Variants in ADPRHL1 observed in about 807,000 individuals in gnomAD.
ADPRHL1 encodes the protein inactive ADP-ribosyltransferase ARH2.
ADPRHL1 carries 43 observed loss-of-function variants against 44.1 expected under a neutral mutation model. The ratio of observed to expected loss-of-function variants is 0.98; its 90% CI spans 0.76 to 1.26. ADPRHL1 has a LOEUF of 1.26. ADPRHL1 is among the 50% of genes most tolerant of loss of function. The pLI is 0.00. For synonymous variants in ADPRHL1, 878 were observed against 1,017.4 expected (o/e 0.86, Z 2.61); for missense variants, 2,022 against 2,496.9 (o/e 0.81, Z 4.05).
At chr13:113,440,157 G>A (rs544937970) in intron 2 of ADPRHL1, among the ~76,000 whole-genome samples, 31 of 152,214 alleles carry the variant, frequency 2.0e-4, no homozygotes, top group South Asian at 1.2e-3. Flanking sequence ...GTTTTAAAAC[G>A]TGAAAATGAA....
Position 113,400,366 on chromosome 13 carries a change from G to C in ADPRHL1, c.*3012C>G, listed in dbSNP as rs2043750643. 2.0e-5 allele frequency: 3 copies of C among 151,106 alleles called. No homozygotes were observed. The highest frequency in any genetic ancestry group is 2.1e-4 in the South Asian group (1 of 4,798). 9.4% of individuals were successfully genotyped at this position (151,106 alleles called of 1,614,324 possible). A position where few individuals can be genotyped will look rare whatever the true frequency, so the allele number is the denominator to read the frequency against. ...TCACTGTGTTAGCCAGGATGGTCTT[G>C]ATCTCCTGACCTCGTGATCTGTCTG... On this transcript the variant is annotated 3_prime_UTR_variant, in exon 8 of 8. Transcript: ENST00000612156.
intron 1 of ADPRHL1, among the ~76,000 whole-genome samples, chr13:113,446,575 GCA>G (rs550803920): frequency 8.7e-4 from 133 of 152,038 alleles, no homozygotes; most frequent in Admixed American, 7.7e-3. Flanking sequence ...TTGTCTACAT[GCA>G]CAGTGTTGTC....
chr13:113,405,697 G>A lies in ADPRHL1; in HGVS notation c.3585C>T (p.Gly1195=), dbSNP rs1164392931. 1.9e-5 allele frequency: 23 copies of A among 1,231,838 alleles called. No homozygotes were observed. The highest frequency in any genetic ancestry group is 1.6e-5 in the African/African-American group (1 of 64,434). The allele number at this position is 1,231,838 out of a possible 1,614,324, so 76.3% of individuals were successfully genotyped here. A position where few individuals can be genotyped will look rare whatever the true frequency, so the allele number is the denominator to read the frequency against. The change falls in exon 8 of 8, where the codon GGC becomes GGT. Residue 1195 remains glycine (G), a synonymous_variant. Transcript: ENST00000612156. ...CCTCTGGGTGCTGGACGAGGGCCAC[G>A]CCTCTCAGGAGGCTCCTCCCTGCTG... ...SGAAGRSLLR[G]VALVQHPEDI... is the part of the protein sequence containing the mutation.
Position 113,422,881 on chromosome 13 carries a change from T to C in ADPRHL1, c.1006A>G (p.Lys336Glu), listed in dbSNP as rs2043936364. The change falls in exon 7 of 8, where the codon AAG becomes GAG. Residue 336 changes from lysine (K) to glutamate (E), a missense_variant. Lys to Glu is a moderately conservative substitution (Grantham distance 56). Coordinates refer to ENST00000612156, the MANE Select transcript of ADPRHL1 (RefSeq NM_001394807.1). ...PKGLYQDLED[K>E]EKLEDLGAAL... The stretch of plus-strand genomic sequence containing the variant: ...GCGCCCAGGTCCTCCAGCTTCTCCT[T>C]GTCCTCCAGGTCCTGGTACAAGCCT... 2 of 1,612,800 alleles carry C rather than the reference T, an allele frequency of 1.2e-6. No homozygotes were observed. The highest frequency in any genetic ancestry group is 2.7e-5 in the African/African-American group (2 of 74,916).
At chr13:113,437,011 ATAGGTGTACCCTGGGACTCGGCACCCAGG>A in intron 2 of ADPRHL1, among the ~76,000 whole-genome samples, 1 of 145,346 alleles carries the variant, frequency 6.9e-6, no homozygotes, top group East Asian at 2.2e-4. Context: ...TAGAGTGAGC[ATAGGTGTACCCTGGGACTCGGCACCCAGG>A]CGCAGGGTGA....
intron 2 of ADPRHL1, among the ~76,000 whole-genome samples, chr13:113,435,445 T>A: frequency 1.2e-5 from 1 of 81,362 alleles, no homozygotes; most frequent in African/African-American, 5.3e-5. Context: ...AGCACCCAGG[T>A]GTAGAGTGAA....
rs1032313512 is a variant in ADPRHL1, at chr13:113,406,312, C to T, written c.2970G>A (p.Pro990=). The T allele has an allele frequency of 6.2e-5, 76 of 1,231,950 alleles. 1 individual carries two copies. The Middle Eastern group carries it at 1.9e-3, about 30-fold the overall frequency. The allele number at this position is 1,231,950 out of a possible 1,614,324, so 76.3% of individuals were successfully genotyped here. Residue 990 remains proline (P), a synonymous_variant, in exon 8 of 8, where the codon CCG becomes CCA. Coordinates refer to ENST00000612156, the MANE Select transcript of ADPRHL1 (RefSeq NM_001394807.1). ...SELRDVKHPL[P]ESNEISMQKK... is the part of the protein sequence containing the mutation. ...TCTGCATTGATATTTCATTAGATTC[C>T]GGCAACGGATGCTTCACATCTCTGA...
chr13:113,425,704 G>C (rs377403359), intron 4 of ADPRHL1, among the ~76,000 whole-genome samples: 1 of 139,780 alleles, frequency 7.2e-6, no homozygotes, highest in Non-Finnish European at 1.5e-5. Context: ...TTTTTGAGAC[G>C]GAGTCTCTCT....
In ADPRHL1 at chr13:113,418,879, C is replaced by T. The variant is rs75837516; in HGVS notation, c.1061+3947G>A. Among the ~76,000 whole-genome samples the T allele has an allele frequency of 9.2e-3, 1,403 of 152,006 alleles. 21 individuals carry two copies. Among genetic ancestry groups the T allele is most frequent in the African/African-American group, 0.031 (1,295 of 41,470 alleles). ...GGTGCCTGATGTCTTGCAAGAGATG[C>T]GGATCCACAGGGATGTGCAACACTG... On this transcript the variant is annotated intron_variant, in intron 7 of 7. Coordinates refer to ENST00000612156, the MANE Select transcript of ADPRHL1 (RefSeq NM_001394807.1).
chr13:113,423,971 T>G (rs1815068706), intron 6 of ADPRHL1, among the ~76,000 whole-genome samples: 1 of 152,164 alleles, frequency 6.6e-6, no homozygotes. Flanking sequence ...CTGCTGGAGC[T>G]CACAGCAGGC....
At position 113,407,727 on chromosome 13, in the gene ADPRHL1, C is replaced by T; in HGVS notation, c.1555G>A (p.Glu519Lys). 8.1e-7 allele frequency: 1 copy of T among 1,232,114 alleles called. No individual in the cohort carries two copies. Among genetic ancestry groups the T allele is most frequent in the Non-Finnish European group, 1.0e-6 (1 of 988,034 alleles). 76.3% of individuals were successfully genotyped at this position (1,232,114 alleles called of 1,614,324 possible). A position where few individuals can be genotyped will look rare whatever the true frequency, so the allele number is the denominator to read the frequency against. ...GGGGGCTTCTCGCGTGCTTCTTTCT[C>T]CTTCGCCTCCTTCTCCTCGGCGGCC... ...FLAAEEKEAK[E>K]KEAREKPPVE... Residue 519 changes from glutamate (E) to lysine (K), a missense_variant, in exon 8 of 8, where the codon GAG becomes AAG. Transcript: ENST00000612156.
At chr13:113,424,931 T>TATCCATCCATCTATCCATCC (rs1002596969) in intron 5 of ADPRHL1, 121 bp downstream of exon 5, 2 of 1,212,642 alleles carry the variant, frequency 1.6e-6, no homozygotes, top group African/African-American at 1.8e-5. Flanking sequence ...AAAATCCATC[T>TATCCATCCATCTATCCATCC]ATCCATCCAT....
At chr13:113,420,025 G>C (rs1228068522) in intron 7 of ADPRHL1, among the ~76,000 whole-genome samples, 1 of 151,748 alleles carries the variant, frequency 6.6e-6, no homozygotes, top group East Asian at 1.9e-4. Context: ...CTGGAAGGAG[G>C]CTTAGGCGAC....
chr13:113,434,355 CA>C (rs1566477266), intron 2 of ADPRHL1, among the ~76,000 whole-genome samples: 8 of 128,922 alleles, frequency 6.2e-5, no homozygotes, highest in African/African-American at 2.4e-4. Flanking sequence ...CATCCAGGTG[CA>C]GGATGAACAT....
In ADPRHL1 at chr13:113,442,826, G is replaced by A. The variant is rs572076708; in HGVS notation, c.379+1599C>T. 6.9e-4 allele frequency among the ~76,000 whole-genome samples: 105 copies of A among 152,290 alleles called. 4 individuals carry two copies. The South Asian group carries it at 0.018, about 26-fold the overall frequency. On this transcript the variant is annotated intron_variant, in intron 2 of 7. Transcript: ENST00000612156. ...CTGTGCTGAGGACGCAGACACATGC[G>A]TCAGGCTGCCTGAGGCCGCCCGCGG...
chr13:113,433,947 T>A, intron 2 of ADPRHL1, 80 bp from the exon 3 acceptor site: 1 of 1,444,192 alleles, frequency 6.9e-7, no homozygotes, highest in Middle Eastern at 1.8e-4. Context: ...ATGAATAATT[T>A]TAAAAGTAGA....
chr13:113,407,631 GC>G lies in ADPRHL1; in HGVS notation c.1650del (p.Lys550AsnfsTer19), dbSNP rs2043818988. ...KIMGKSSVLS[K>X]LREKFEQNSC... Reference sequence around the variant, plus strand: ...CTGTTCTGCTCGAACTTCTCCCGCAGCTTGGACAGCACCGAGCTCTTGCCCA... The same window carrying G: ...CTGTTCTGCTCGAACTTCTCCCGCAGTTGGACAGCACCGAGCTCTTGCCCA... On this transcript the variant is annotated frameshift_variant, in exon 8 of 8. Coordinates refer to ENST00000612156, the MANE Select transcript of ADPRHL1 (RefSeq NM_001394807.1). LOFTEE classifies it low-confidence loss of function (END_TRUNC). 13 of 1,232,106 alleles carry G rather than the reference GC, an allele frequency of 1.1e-5. No homozygotes were observed. Among genetic ancestry groups the G allele is most frequent in the Non-Finnish European group, 1.3e-5 (13 of 988,030 alleles). The allele number at this position is 1,232,106 out of a possible 1,614,324, so 76.3% of individuals were successfully genotyped here. A position where few individuals can be genotyped will look rare whatever the true frequency, so the allele number is the denominator to read the frequency against.
At chr13:113,427,089 T>C (rs532041836) in intron 4 of ADPRHL1, among the ~76,000 whole-genome samples, 29 of 152,228 alleles carry the variant, frequency 1.9e-4, no homozygotes, top group Non-Finnish European at 2.4e-4. Context: ...TTTAAACTGG[T>C]ATCTGTGCAT....
At chr13:113,438,802 G>A (rs1037087187) in intron 2 of ADPRHL1, among the ~76,000 whole-genome samples, 1 of 152,140 alleles carries the variant, frequency 6.6e-6, no homozygotes, top group African/African-American at 2.4e-5. Flanking sequence ...GGGATTATAG[G>A]TGTGAGCCAC....
Sources: allele counts gnomAD v4.1 joint callset (sites outside exome capture counted in the v4.1 genomes callset), GRCh38; gene constraint gnomAD v4.1.1; transcripts MANE v1.5; gene names NCBI Gene and HGNC (gene_info 2026-07-23, HGNC 2026-07-21).